Variants in IRF4 observed in about 807,000 individuals in gnomAD.
IRF4 encodes the protein interferon regulatory factor 4, also known as lymphocyte-specific interferon regulatory factor.
IRF4 carries 13 observed loss-of-function variants against 55.5 expected under a neutral mutation model. That is an observed-to-expected ratio of 0.23 (90% CI 0.15 to 0.37). The LOEUF is 0.37. IRF4 is among the 10% of genes least tolerant of loss of function. The pLI is 1.00. For synonymous variants in IRF4, 249 were observed against 240.7 expected (o/e 1.03, Z -0.32); for missense variants, 397 against 593.8 (o/e 0.67, Z 3.44).
intron 7 of IRF4, 88 bp downstream of exon 7, chr6:401,865 G>A (rs758212300): frequency 1.7e-6 from 2 of 1,199,328 alleles, no homozygotes; most frequent in African/African-American, 3.0e-5. Context: ...TCCCACCCCA[G>A]GCTGAGGTCT....
At chr6:399,873 C>T (rs1412822725) in intron 6 of IRF4, among the ~76,000 whole-genome samples, 2 of 152,162 alleles carry the variant, frequency 1.3e-5, no homozygotes, top group Non-Finnish European at 1.5e-5. Flanking sequence ...TGAGGATGCC[C>T]TTTGGGAGGA....
chr6:407,954 C>T lies in IRF4; in HGVS notation c.*356C>T. ...GACAAGCATGGAAAATCAGTGACAT[C>T]TGATTGGCAGATGAGCTTATTTCAA... On this transcript the variant is annotated 3_prime_UTR_variant, in exon 9 of 9. Transcript: ENST00000380956. 1 of 311,770 alleles carries T rather than the reference C, an allele frequency of 3.2e-6. No individual in the cohort carries two copies. The highest frequency in any genetic ancestry group is 5.9e-6 in the Non-Finnish European group (1 of 168,468). 19.3% of individuals were successfully genotyped at this position (311,770 alleles called of 1,614,324 possible).
At chr6:399,485 T>C (rs1217394800) in intron 6 of IRF4, among the ~76,000 whole-genome samples, 1 of 115,302 alleles carries the variant, frequency 8.7e-6, no homozygotes, top group Non-Finnish European at 1.7e-5. Flanking sequence ...TCAATCTGAT[T>C]TTTAAAGTTT....
intron 5 of IRF4, among the ~76,000 whole-genome samples, chr6:397,998 A>G (rs1206141784): frequency 6.6e-6 from 1 of 152,216 alleles, no homozygotes; most frequent in African/African-American, 2.4e-5. Flanking sequence ...TGTTCAGGTT[A>G]TCCTTGGCTG....
rs182728177 is a variant in IRF4 at position 402,199 on chromosome 6, G to A, written c.1099+422G>A. ...GCAGATGCTGGCCCACGAGTGAGAC[G>A]GAGGGTGGAGTGGACTGTACTGGTT... On this transcript the variant is annotated intron_variant, in intron 7 of 8. Coordinates refer to ENST00000380956, the MANE Select transcript of IRF4 (RefSeq NM_002460.4). Among the ~76,000 whole-genome samples the A allele has an allele frequency of 3.3e-3, 505 of 152,342 alleles. 5 individuals are homozygous for A. The highest frequency in any genetic ancestry group is 1.6e-3 in the Non-Finnish European group (107 of 68,030).
Position 395,022 on chromosome 6 carries a change from G to A in IRF4, c.403+15G>A. 1 of 1,572,644 alleles carries A rather than the reference G, an allele frequency of 6.4e-7. No homozygotes were observed. Among genetic ancestry groups the A allele is most frequent in the Non-Finnish European group, 8.6e-7 (1 of 1,157,998 alleles). On this transcript the variant is annotated intron_variant, in intron 3 of 8. Coordinates refer to ENST00000380956, the MANE Select transcript of IRF4 (RefSeq NM_002460.4). ...AGCCAAAAAAGGTAGGGGCTCTCCTGAATTTGGGTCACCTAACAGAGGCAG... is the reference window on the plus strand; with the variant it reads ...AGCCAAAAAAGGTAGGGGCTCTCCTAAATTTGGGTCACCTAACAGAGGCAG...
Position 409,166 on chromosome 6 carries a change from G to A in IRF4, c.*1568G>A, listed in dbSNP as rs1163998998. 2 of 208,662 alleles carry A rather than the reference G, an allele frequency of 9.6e-6. No individual in the cohort carries two copies. Among genetic ancestry groups the A allele is most frequent in the Admixed American group, 5.9e-5 (1 of 16,898 alleles). The allele number at this position is 208,662 out of a possible 1,614,324, so 12.9% of individuals were successfully genotyped here. A position where few individuals can be genotyped will look rare whatever the true frequency, so the allele number is the denominator to read the frequency against. ...AACAAGCACCTAGTAAGTGCCTGCT[G>A]TATCCCTACATTACACAGTTCAGCC... On this transcript the variant is annotated 3_prime_UTR_variant, in exon 9 of 9. Coordinates refer to ENST00000380956, the MANE Select transcript of IRF4 (RefSeq NM_002460.4).
intron 4 of IRF4, among the ~76,000 whole-genome samples, chr6:396,610 C>T (rs1318498845): frequency 1.6e-5 from 2 of 122,550 alleles, no homozygotes; most frequent in African/African-American, 5.8e-5. Context: ...GCCAGTGCTT[C>T]CTATCTCAGC....
At chr6:395,762 T>G in intron 3 of IRF4, 85 bp from the exon 4 acceptor site, 2 of 956,448 alleles carry the variant, frequency 2.1e-6, no homozygotes, top group Non-Finnish European at 3.3e-6. Context: ...AATTAAATGC[T>G]CAGGTATTTT....
rs374609552 is a variant in IRF4 at position 395,799 on chromosome 6, A to G, written c.404-48A>G. On this transcript the variant is annotated intron_variant, in intron 3 of 8. Coordinates refer to ENST00000380956, the MANE Select transcript of IRF4 (RefSeq NM_002460.4). ...ACAAGATTTGACATTTAGTTAGGTC[A>G]GTTCCTGTTTTTACGTTGTGCCATT... 6.8e-5 allele frequency: 92 copies of G among 1,358,608 alleles called. 1 individual carries two copies. Among genetic ancestry groups the G allele is most frequent in the Admixed American group, 2.1e-4 (12 of 56,862 alleles). 84.2% of individuals were successfully genotyped at this position (1,358,608 alleles called of 1,614,324 possible). A position where few individuals can be genotyped will look rare whatever the true frequency, so the allele number is the denominator to read the frequency against.
At position 407,657 on chromosome 6, in the gene IRF4, G is replaced by A; in HGVS notation, c.*59G>A. 1.2e-5 allele frequency: 17 copies of A among 1,385,846 alleles called. No homozygotes were observed. Among genetic ancestry groups the A allele is most frequent in the Non-Finnish European group, 1.3e-5 (13 of 1,015,098 alleles). The allele number at this position is 1,385,846 out of a possible 1,614,324, so 85.8% of individuals were successfully genotyped here. A position where few individuals can be genotyped will look rare whatever the true frequency, so the allele number is the denominator to read the frequency against. ...TTTTTTTTTTTTTTTTTGATACGGG[G>A]ATACGGGGTCTTGCTCTGTCTCCCA... On this transcript the variant is annotated 3_prime_UTR_variant, in exon 9 of 9. Coordinates refer to ENST00000380956, the MANE Select transcript of IRF4 (RefSeq NM_002460.4).
At chr6:398,784 G>A in intron 5 of IRF4, 44 bp from the exon 6 acceptor site, 1 of 1,463,768 alleles carries the variant, frequency 6.8e-7, no homozygotes, top group African/African-American at 1.4e-5. Context: ...CGGTGCGTCG[G>A]ACTCTCTGTC....
intron 4 of IRF4, 96 bp from the exon 5 acceptor site, chr6:397,012 C>T (rs1761279919): frequency 6.5e-6 from 9 of 1,375,408 alleles, no homozygotes; most frequent in East Asian, 5.0e-5. Flanking sequence ...ACCCCCGTCT[C>T]GATGCCAGTG....
intron 8 of IRF4, among the ~76,000 whole-genome samples, chr6:406,339 C>T (rs188660118): frequency 3.9e-5 from 6 of 152,062 alleles, no homozygotes; most frequent in Non-Finnish European, 7.4e-5. Context: ...GTCAGGAGTT[C>T]GAGACCAGCC....
At chr6:401,835 G>C in intron 7 of IRF4, 58 bp downstream of exon 7, 1 of 1,512,166 alleles carries the variant, frequency 6.6e-7, no homozygotes, top group Non-Finnish European at 9.1e-7. Context: ...TGCCACAGGG[G>C]TCAGAAACCA....
Position 406,969 on chromosome 6 carries a change from T to G in IRF4, c.1213-486T>G, listed in dbSNP as rs1350609982. 17 of 907,550 alleles carry G rather than the reference T, an allele frequency of 1.9e-5. 1 individual carries two copies. In the African/African-American group the frequency reaches 3.1e-4, roughly 16 times the overall value. 56.2% of individuals were successfully genotyped at this position (907,550 alleles called of 1,614,324 possible). ...CCAGTTAGCTTCTCTTTTTCCACAA[T>G]AGTAGTTTTGTTGTTGTTTAACTTT... is the stretch of plus-strand genomic sequence containing the variant. On this transcript the variant is annotated intron_variant, in intron 8 of 8. Coordinates refer to ENST00000380956, the MANE Select transcript of IRF4 (RefSeq NM_002460.4).
chr6:393,451 C>G lies in IRF4; in HGVS notation c.216+83C>G, dbSNP rs891149452. On this transcript the variant is annotated intron_variant, in intron 2 of 8. Transcript: ENST00000380956. This position sits in a 1 kb window ranked among gnomAD's most constrained non-coding sequence, Gnocchi z 5.4. ...GGGGTCCCCGGCGCCGCCTCCGAGG[C>G]GAGCCCAGGGGACCGCGCGGGGCGG... 11 of 1,071,458 alleles carry G rather than the reference C, an allele frequency of 1.0e-5. No homozygotes were observed. Among genetic ancestry groups the G allele is most frequent in the Non-Finnish European group, 1.4e-5 (11 of 801,058 alleles). 66.4% of individuals were successfully genotyped at this position (1,071,458 alleles called of 1,614,324 possible). A position where few individuals can be genotyped will look rare whatever the true frequency, so the allele number is the denominator to read the frequency against.
chr6:402,057 C>T (rs952390923), intron 7 of IRF4, among the ~76,000 whole-genome samples: 10 of 152,216 alleles, frequency 6.6e-5, no homozygotes, highest in Non-Finnish European at 1.3e-4. Flanking sequence ...TTTCATTGCA[C>T]TATGATCTCG....
intron 6 of IRF4, 28 bp downstream of exon 6, chr6:398,963 A>T: frequency 6.7e-7 from 1 of 1,497,742 alleles, no homozygotes; most frequent in Non-Finnish European, 9.2e-7. Flanking sequence ...TCCTGGAGGC[A>T]CCGCAGGAGG....
Sources: gnomAD v4.1 joint callset for allele counts (sites outside exome capture counted in the v4.1 genomes callset) on GRCh38, gnomAD v4.1.1 for gene constraint, Gnocchi (gnomAD v3.1) non-coding constraint, MANE v1.5 for transcripts, NCBI Gene and HGNC (gene_info 2026-07-23, HGNC 2026-07-21) for gene names.